TMTC2: variants seen among roughly 807,000 people sequenced by gnomAD.
TMTC2 encodes transmembrane O-mannosyltransferase targeting cadherins 2.
A neutral mutation model predicts 82.4 loss-of-function variants in TMTC2; 43 were observed. The observed-to-expected ratio is 0.52, with a 90% CI of 0.41 to 0.67. The LOEUF is 0.67. TMTC2 is among the 30% of genes least tolerant of loss of function. The pLI, the probability that TMTC2 is intolerant of heterozygous loss-of-function variation, is 0.00. For synonymous variants in TMTC2, 408 were observed against 381.9 expected (o/e 1.07, Z -0.80); for missense variants, 919 against 1,012.4 (o/e 0.91, Z 1.25).
chr12:83,075,385 A>G (rs2137495228), intron 11 of TMTC2, among the ~76,000 whole-genome samples: 1 of 152,240 alleles, frequency 6.6e-6, no homozygotes, highest in African/African-American at 2.4e-5. Context: ...CCTGCCTCCC[A>G]TCCTCCATGA....
At chr12:82,997,660 A>G (rs967878052) in intron 8 of TMTC2, among the ~76,000 whole-genome samples, 8 of 151,480 alleles carry the variant, frequency 5.3e-5, no homozygotes, top group Non-Finnish European at 1.0e-4. Context: ...TACTACTGCC[A>G]TTATTTTACT....
At chr12:82,810,766 C>G (rs2137048963) in intron 1 of TMTC2, among the ~76,000 whole-genome samples, 1 of 152,188 alleles carries the variant, frequency 6.6e-6, no homozygotes, top group South Asian at 2.1e-4. Flanking sequence ...ATGCTGTTCT[C>G]ATGGCAGTGA....
chr12:83,011,161 T>C (rs1384100538), intron 8 of TMTC2, among the ~76,000 whole-genome samples: 1 of 152,240 alleles, frequency 6.6e-6, no homozygotes, highest in Admixed American at 6.5e-5. Context: ...TTCAAAAGTA[T>C]AGAATTAGTT....
At chr12:82,792,513 A>G (rs1202931558) in intron 1 of TMTC2, among the ~76,000 whole-genome samples, 1 of 151,874 alleles carries the variant, frequency 6.6e-6, no homozygotes. Flanking sequence ...GTCGCCCAGG[A>G]TGGAGTGCAG....
chr12:82,714,994 G>A (rs7135486), intron 1 of TMTC2, among the ~76,000 whole-genome samples: 125,189 of 152,108 alleles, frequency 0.82, 51,999 homozygotes, highest in Non-Finnish European at 0.88. Context: ...CAAATCTGCC[G>A]GGCACGGTGG....
chr12:82,894,387 G>A lies in TMTC2; in HGVS notation c.655-1431G>A, dbSNP rs193241946. On this transcript the variant is annotated intron_variant, in intron 2 of 11. Transcript: ENST00000321196. ...GTGGAGGAGAAGTCTGAGGAGCAGAGTCCAGTGTGGCAGTTGTATACAATA... is the reference window on the plus strand; with the variant it reads ...GTGGAGGAGAAGTCTGAGGAGCAGAATCCAGTGTGGCAGTTGTATACAATA... Among the ~76,000 whole-genome samples the A allele has an allele frequency of 3.3e-5, 5 of 152,320 alleles. No individual in the cohort carries two copies. The East Asian group carries it at 9.6e-4, about 29-fold the overall frequency.
intron 1 of TMTC2, among the ~76,000 whole-genome samples, chr12:82,692,657 G>A (rs1872627389): frequency 6.6e-6 from 1 of 152,072 alleles, no homozygotes; most frequent in Non-Finnish European, 1.5e-5. Flanking sequence ...AACCTTTCTG[G>A]TTCTCTCTTA....
At chr12:82,801,913 C>T (rs1879025540) in intron 1 of TMTC2, among the ~76,000 whole-genome samples, 1 of 152,108 alleles carries the variant, frequency 6.6e-6, no homozygotes, top group Non-Finnish European at 1.5e-5. Flanking sequence ...ATTTACAATC[C>T]CTTAGCTAGA....
chr12:82,911,537 A>G (rs1458521565), intron 3 of TMTC2, among the ~76,000 whole-genome samples: 4 of 152,202 alleles, frequency 2.6e-5, no homozygotes, highest in African/African-American at 7.2e-5. Context: ...GATCAAACAT[A>G]TTAGACGTTC....
intron 11 of TMTC2, among the ~76,000 whole-genome samples, chr12:83,106,274 C>A (rs1346666825): frequency 2.0e-5 from 3 of 152,014 alleles, no homozygotes; most frequent in Non-Finnish European, 4.4e-5. Flanking sequence ...CCAAGGCGGG[C>A]AGATCACCTG....
intron 10 of TMTC2, among the ~76,000 whole-genome samples, chr12:83,056,567 A>G (rs1375862353): frequency 1.3e-5 from 2 of 151,972 alleles, no homozygotes; most frequent in African/African-American, 4.8e-5. Context: ...AATGAGAAAA[A>G]AAACAGAATC....
chr12:82,791,067 C>A (rs1189317681), intron 1 of TMTC2, among the ~76,000 whole-genome samples: 2 of 152,008 alleles, frequency 1.3e-5, no homozygotes, highest in African/African-American at 2.4e-5. Context: ...CTCCTTTCTG[C>A]TTTTCCTTCA....
Position 82,888,175 on chromosome 12 carries a change from A to T in TMTC2, c.655-7643A>T, listed in dbSNP as rs144476828. ...TGTGAACAATTAGGTGAATTAAAAC[A>T]TGAAGAAACCCTGTCCATACTGGTG... On this transcript the variant is annotated intron_variant, in intron 2 of 11. Coordinates refer to ENST00000321196, the MANE Select transcript of TMTC2 (RefSeq NM_152588.3). Among the ~76,000 whole-genome samples, 269 of 152,372 alleles carry T rather than the reference A, an allele frequency of 1.8e-3. 2 individuals are homozygous for T. The East Asian group carries it at 0.041, about 23-fold the overall frequency.
intron 1 of TMTC2, among the ~76,000 whole-genome samples, chr12:82,813,235 C>T (rs1868504771): frequency 6.6e-6 from 1 of 152,080 alleles, no homozygotes; most frequent in African/African-American, 2.4e-5. Context: ...GAACTCACTA[C>T]TCTGTAACAG....
At chr12:83,020,581 T>G (rs1048546970) in intron 8 of TMTC2, among the ~76,000 whole-genome samples, 3 of 152,244 alleles carry the variant, frequency 2.0e-5, no homozygotes, top group African/African-American at 7.2e-5. Context: ...GTCTGAATAC[T>G]GTTTTCATCA....
At chr12:83,065,603 C>T (rs908252401) in intron 11 of TMTC2, among the ~76,000 whole-genome samples, 5 of 151,650 alleles carry the variant, frequency 3.3e-5, no homozygotes, top group Admixed American at 3.3e-4. Flanking sequence ...AACTCCTTAC[C>T]GAAATTGCCA....
intron 11 of TMTC2, among the ~76,000 whole-genome samples, chr12:83,067,162 A>C (rs374998122): frequency 3.3e-5 from 5 of 152,116 alleles, no homozygotes; most frequent in African/African-American, 1.2e-4. Flanking sequence ...CTGCTGTAAA[A>C]AAAAGAAAAA....
chr12:82,865,221 C>T (rs1411573333), intron 2 of TMTC2, among the ~76,000 whole-genome samples: 1 of 151,808 alleles, frequency 6.6e-6, no homozygotes, highest in Non-Finnish European at 1.5e-5. Context: ...AGCAAGACTC[C>T]GATAAAGAGT....
rs564255892 is a variant in TMTC2, at chr12:82,776,910, C to A, written c.84-80100C>A. ...CTATGATCATGCCACTCTACTCCAA[C>A]CTGGGTGACACAGACCCCATCTCTA... On this transcript the variant is annotated intron_variant, in intron 1 of 11. Transcript: ENST00000321196. 7.9e-5 allele frequency among the ~76,000 whole-genome samples: 12 copies of A among 152,254 alleles called. No individual in the cohort carries two copies. In the South Asian group the frequency reaches 2.5e-3, roughly 32 times the overall value.
Sources: allele counts gnomAD v4.1 joint callset (sites outside exome capture counted in the v4.1 genomes callset), GRCh38; gene constraint gnomAD v4.1.1; transcripts MANE v1.5; gene names NCBI Gene and HGNC (gene_info 2026-07-23, HGNC 2026-07-21).